PPFIA2: variants seen among roughly 807,000 people sequenced by gnomAD.
PPFIA2 encodes liprin-alpha-2.
PPFIA2 carries 46 observed loss-of-function variants against 175.5 expected under a neutral mutation model. That is an observed-to-expected ratio of 0.26 (90% CI 0.21 to 0.34). The LOEUF is 0.34. Ranked by LOEUF, PPFIA2 falls within the 10% of genes least tolerant of loss-of-function variation. The probability of loss-of-function intolerance (pLI) is 1.00; values close to 1 mark genes in which losing one functional copy is unlikely to be tolerated. For synonymous variants in PPFIA2, 568 were observed against 511.4 expected, an observed-to-expected ratio of 1.11 and a Z score of -1.49; for missense variants, 1,179 against 1,506.1, an observed-to-expected ratio of 0.78 and a Z score of 3.60.
At chr12:81,269,174 AG>A (rs1255835874) in intron 28 of PPFIA2, among the ~76,000 whole-genome samples, 1 of 152,174 alleles carries the variant, frequency 6.6e-6, no homozygotes, top group Non-Finnish European at 1.5e-5. Flanking sequence ...TCCCATTAAA[AG>A]TTGACAGAAT....
At chr12:81,584,267 T>C (rs1000202658) in intron 4 of PPFIA2, among the ~76,000 whole-genome samples, 1 of 151,940 alleles carries the variant, frequency 6.6e-6, no homozygotes, top group Non-Finnish European at 1.5e-5. Flanking sequence ...ACAAATAATG[T>C]AGTCAGACAG....
chr12:81,588,202 C>T (rs547805886), intron 4 of PPFIA2, among the ~76,000 whole-genome samples: 1 of 151,590 alleles, frequency 6.6e-6, no homozygotes, highest in Non-Finnish European at 1.5e-5. Context: ...ATATAAGCTT[C>T]CAGAAAGTAT....
chr12:81,689,280 G>A (rs980068608), intron 3 of PPFIA2, among the ~76,000 whole-genome samples: 1 of 151,874 alleles, frequency 6.6e-6, no homozygotes, highest in African/African-American at 2.4e-5. Context: ...ATCATAATAA[G>A]TTAATTTCAA....
chr12:81,459,251 G>C (rs1202012285), intron 4 of PPFIA2, among the ~76,000 whole-genome samples: 2 of 152,028 alleles, frequency 1.3e-5, no homozygotes, highest in African/African-American at 4.8e-5. Flanking sequence ...TATTTAGGTG[G>C]TAAATGGAAA....
intron 32 of PPFIA2, among the ~76,000 whole-genome samples, chr12:81,261,474 G>T (rs2035517466): frequency 6.6e-6 from 1 of 152,058 alleles, no homozygotes; most frequent in South Asian, 2.1e-4. Context: ...GCCTCGGCAA[G>T]TTTCTATTTT....
At chr12:81,722,674 A>G (rs1054373221) in intron 3 of PPFIA2, among the ~76,000 whole-genome samples, 3 of 150,930 alleles carry the variant, frequency 2.0e-5, no homozygotes, top group African/African-American at 7.3e-5. Flanking sequence ...TGCCTTCTGG[A>G]ATGCAAATCA....
chr12:81,495,619 A>G (rs1458078168), intron 4 of PPFIA2, among the ~76,000 whole-genome samples: 2 of 152,138 alleles, frequency 1.3e-5, no homozygotes, highest in Non-Finnish European at 2.9e-5. Context: ...AGCCTGGGCA[A>G]CATAGTGAAA....
intron 4 of PPFIA2, among the ~76,000 whole-genome samples, chr12:81,646,558 G>T (rs2153525617): frequency 6.6e-6 from 1 of 152,278 alleles, no homozygotes; most frequent in Middle Eastern, 3.4e-3. Flanking sequence ...ACACAGTCAT[G>T]CAAAGTCTTC....
intron 3 of PPFIA2, among the ~76,000 whole-genome samples, chr12:81,723,702 C>T (rs1247340729): frequency 6.6e-6 from 1 of 150,854 alleles, no homozygotes; most frequent in Non-Finnish European, 1.5e-5. Flanking sequence ...TTCTTGCAAA[C>T]ACAACTATTG....
At chr12:81,433,383 C>G (rs2048436066) in intron 7 of PPFIA2, among the ~76,000 whole-genome samples, 1 of 152,148 alleles carries the variant, frequency 6.6e-6, no homozygotes, top group Non-Finnish European at 1.5e-5. Context: ...CTGTATTTTG[C>G]TTGTGCCTGT....
At chr12:81,346,205 T>C (rs981348043) in intron 18 of PPFIA2, among the ~76,000 whole-genome samples, 1 of 152,116 alleles carries the variant, frequency 6.6e-6, no homozygotes, top group Non-Finnish European at 1.5e-5. Context: ...ATTGGTGTCA[T>C]TTCAACATAC....
chr12:81,548,788 A>T (rs974142914), intron 4 of PPFIA2, among the ~76,000 whole-genome samples: 4 of 152,162 alleles, frequency 2.6e-5, no homozygotes, highest in Non-Finnish European at 4.4e-5. Flanking sequence ...TGATAAAAAA[A>T]TCCAAAAGAA....
chr12:81,662,541 A>G (rs1413643783), intron 4 of PPFIA2, among the ~76,000 whole-genome samples: 2 of 152,230 alleles, frequency 1.3e-5, no homozygotes, highest in African/African-American at 4.8e-5. Flanking sequence ...ACAGGCTCTG[A>G]AATTGAGGCT....
In PPFIA2 at chr12:81,719,127, C is replaced by T. The variant is rs145621852; in HGVS notation, c.249+34846G>A. Among the ~76,000 whole-genome samples, 59 of 151,672 alleles carry T rather than the reference C, an allele frequency of 3.9e-4. No individual in the cohort carries two copies. In the East Asian group the frequency reaches 0.011, roughly 27 times the overall value. On this transcript the variant is annotated intron_variant, in intron 3 of 32. Transcript: ENST00000549396. ...AACATTGCATATGAATTCCCATTAA[C>T]AATAGTGGTATCTTGTGACTTCTAT...
chr12:81,280,105 T>C (rs2041712544), intron 27 of PPFIA2, among the ~76,000 whole-genome samples: 1 of 152,220 alleles, frequency 6.6e-6, no homozygotes, highest in South Asian at 2.1e-4. Flanking sequence ...TACCCACAAA[T>C]AAATGCAATT....
At chr12:81,595,547 G>C (rs1595426045) in intron 4 of PPFIA2, among the ~76,000 whole-genome samples, 1 of 151,974 alleles carries the variant, frequency 6.6e-6, no homozygotes, top group African/African-American at 2.4e-5. Context: ...TATATTCACA[G>C]TAATATAAAA....
At chr12:81,276,919 T>TA in intron 28 of PPFIA2, among the ~76,000 whole-genome samples, 1 of 152,100 alleles carries the variant, frequency 6.6e-6, no homozygotes, top group East Asian at 1.9e-4. Context: ...GGCACTGGAA[T>TA]AAAATTAAAA....
intron 3 of PPFIA2, among the ~76,000 whole-genome samples, chr12:81,698,712 T>G (rs1038521147): frequency 2.6e-5 from 4 of 152,000 alleles, no homozygotes; most frequent in Non-Finnish European, 5.9e-5. Flanking sequence ...AGGGTAGGTA[T>G]GAGATGCACA....
chr12:81,732,130 T>C (rs1015855454), intron 3 of PPFIA2, among the ~76,000 whole-genome samples: 1 of 151,572 alleles, frequency 6.6e-6, no homozygotes, highest in Non-Finnish European at 1.5e-5. Context: ...CACTCAAATA[T>C]CTTTCTTAAA....
Sources: gnomAD v4.1 joint callset for allele counts (sites outside exome capture counted in the v4.1 genomes callset) on GRCh38, gnomAD v4.1.1 for gene constraint, MANE v1.5 for transcripts, NCBI Gene and HGNC (gene_info 2026-07-23, HGNC 2026-07-21) for gene names.